Variants in NOSIP observed in about 807,000 individuals in gnomAD.
NOSIP encodes nitric oxide synthase-interacting protein.
NOSIP carries 25 observed loss-of-function variants against 36.4 expected under a neutral mutation model. That is an observed-to-expected ratio of 0.69 (90% CI 0.50 to 0.96). NOSIP has a LOEUF of 0.96. NOSIP is among the 40% of genes least tolerant of loss of function. The probability of loss-of-function intolerance (pLI) is 0.00; values close to 1 mark genes in which losing one functional copy is unlikely to be tolerated. For synonymous variants in NOSIP, 187 were observed against 179.2 expected (o/e 1.04, Z -0.35); for missense variants, 370 against 429.0 (o/e 0.86, Z 1.21).
At chr19:49,568,391 G>T (rs1023360831) in intron 1 of NOSIP, among the ~76,000 whole-genome samples, 1 of 152,074 alleles carries the variant, frequency 6.6e-6, no homozygotes, top group South Asian at 2.1e-4. Flanking sequence ...GGGGAACTGC[G>T]GTGGTGGTAT....
chr19:49,578,933 T>C (rs1045967564), intron 1 of NOSIP, among the ~76,000 whole-genome samples: 1 of 150,180 alleles, frequency 6.7e-6, no homozygotes, highest in African/African-American at 2.5e-5. Flanking sequence ...TATTTTTAAA[T>C]ACTTAAAAAA....
In NOSIP at chr19:49,560,785, T is replaced by A. The variant is rs1288648596; in HGVS notation, c.-1-93A>T. 3 of 969,840 alleles carry A rather than the reference T, an allele frequency of 3.1e-6. No homozygotes were observed. The highest frequency in any genetic ancestry group is 1.6e-5 in the African/African-American group (1 of 61,948). The allele number at this position is 969,840 out of a possible 1,614,324, so 60.1% of individuals were successfully genotyped here. ...AGCCCTCAGAGCTGATCTGCCCCCCTTGATGGGAAAGCGGAGGCGGAGAAG... is the reference window on the plus strand; with the variant it reads ...AGCCCTCAGAGCTGATCTGCCCCCCATGATGGGAAAGCGGAGGCGGAGAAG... On this transcript the variant is annotated intron_variant, in intron 1 of 8. Coordinates refer to ENST00000596358, the MANE Select transcript of NOSIP (RefSeq NM_001270960.2). The surrounding 1 kb of genome is among the most constrained non-coding windows in gnomAD (Gnocchi z 4.6).
intron 1 of NOSIP, among the ~76,000 whole-genome samples, chr19:49,575,664 ACAGCCCCTGTAAGTACTCCACT>A (rs1287720133): frequency 1.3e-5 from 2 of 152,188 alleles, no homozygotes; most frequent in African/African-American, 4.8e-5. Flanking sequence ...TGCAGGCCAA[ACAGCCCCTGTAAGTACTCCACT>A]CAGCCCCTGT....
chr19:49,557,016 A>T, intron 5 of NOSIP, 23 bp from the exon 6 acceptor site: 1 of 1,597,594 alleles, frequency 6.3e-7, no homozygotes, highest in Non-Finnish European at 8.5e-7. Flanking sequence ...GAAGGGACTC[A>T]GATGCCGCCC....
chr19:49,567,687 T>A (rs1292524766), intron 1 of NOSIP, among the ~76,000 whole-genome samples: 1 of 152,088 alleles, frequency 6.6e-6, no homozygotes. Flanking sequence ...TTATTTATTT[T>A]GAGACAGAAT....
chr19:49,570,493 G>A (rs1280816318), intron 1 of NOSIP, among the ~76,000 whole-genome samples: 2 of 152,034 alleles, frequency 1.3e-5, no homozygotes, highest in African/African-American at 4.8e-5. Flanking sequence ...TTGTGACCAC[G>A]ACCCTATGGA....
rs370691509 is a variant in NOSIP at position 49,561,168 on chromosome 19, T to G, written c.-1-476A>C. 4.5e-4 allele frequency among the ~76,000 whole-genome samples: 69 copies of G among 152,242 alleles called. No homozygotes were observed. In the East Asian group the frequency reaches 0.011, roughly 25 times the overall value. On this transcript the variant is annotated intron_variant, in intron 1 of 8. Transcript: ENST00000596358. Reference sequence around the variant, plus strand: ...CAAGGCTGGGCACTTAGCTAAGGCTTGACACTTAGCTAAGGCTTGACCCAA... The same window carrying G: ...CAAGGCTGGGCACTTAGCTAAGGCTGGACACTTAGCTAAGGCTTGACCCAA...
chr19:49,566,336 G>T (rs2080408070), intron 1 of NOSIP, among the ~76,000 whole-genome samples: 2 of 152,068 alleles, frequency 1.3e-5, no homozygotes, highest in African/African-American at 2.4e-5. Flanking sequence ...TTAAGACAGG[G>T]TCTCACTCTG....
chr19:49,575,517 G>A (rs1218303027), intron 1 of NOSIP, among the ~76,000 whole-genome samples: 1 of 152,152 alleles, frequency 6.6e-6, no homozygotes, highest in Non-Finnish European at 1.5e-5. Flanking sequence ...AACATGAAGC[G>A]ACCAGCTCTG....
At position 49,556,865 on chromosome 19, in the gene NOSIP, G is replaced by A; in HGVS notation, c.537+10C>T. The A allele has an allele frequency of 1.2e-6, 2 of 1,609,572 alleles. No individual in the cohort carries two copies. Among genetic ancestry groups the A allele is most frequent in the Admixed American group, 1.7e-5 (1 of 59,922 alleles). ...GGCACCGTGCGTGCCGGGGCGCTGT[G>A]GGGGCTCACCGGCTTCTCCAGCTTG... On this transcript the variant is annotated intron_variant, in intron 6 of 8. Coordinates refer to ENST00000596358, the MANE Select transcript of NOSIP (RefSeq NM_001270960.2).
At chr19:49,570,951 T>C (rs1315587207) in intron 1 of NOSIP, among the ~76,000 whole-genome samples, 1 of 152,006 alleles carries the variant, frequency 6.6e-6, no homozygotes, top group Non-Finnish European at 1.5e-5. Context: ...GGAACACCTA[T>C]AGAGGGAGCA....
intron 3 of NOSIP, 61 bp downstream of exon 3, chr19:49,559,873 T>G (rs530003857): frequency 3.9e-6 from 5 of 1,270,614 alleles, no homozygotes; most frequent in Non-Finnish European, 5.6e-6. Context: ...GCACACAGCC[T>G]CCTCCTGGCG....
chr19:49,567,311 C>T (rs1264408981), intron 1 of NOSIP, among the ~76,000 whole-genome samples: 4 of 149,988 alleles, frequency 2.7e-5, no homozygotes, highest in African/African-American at 4.9e-5. Flanking sequence ...TTAGTGGAAA[C>T]GGGTTTTCAC....
intron 3 of NOSIP, 60 bp from the exon 4 acceptor site, chr19:49,559,038 A>G (rs888243909): frequency 7.3e-7 from 1 of 1,366,944 alleles, no homozygotes; most frequent in African/African-American, 1.4e-5. Flanking sequence ...CGGCCTCCCG[A>G]AGTGCTGGGA....
At chr19:49,561,525 A>AC (rs2080334038) in intron 1 of NOSIP, among the ~76,000 whole-genome samples, 1 of 151,896 alleles carries the variant, frequency 6.6e-6, no homozygotes, top group South Asian at 2.1e-4. Context: ...CTTAAGGGCA[A>AC]CCCCCACCCT....
rs2080251760 is a variant in NOSIP, at chr19:49,556,641, G to A, written c.633C>T (p.Arg211=). 3 of 1,610,460 alleles carry A rather than the reference G, an allele frequency of 1.9e-6. No homozygotes were observed. Among genetic ancestry groups the A allele is most frequent in the East Asian group, 2.2e-5 (1 of 44,858 alleles). Residue 211 remains arginine, a synonymous_variant, in exon 7 of 9, where the codon CGC becomes CGT. Transcript: ENST00000596358. ...HFTPLDSSVD[R]VGLITRSERY... Reference sequence around the variant, plus strand: ...GCTCGCTGCGGGTGATGAGCCCCACGCGGTCCACGGAGCTGTCTAGCGGTG... The same window carrying A: ...GCTCGCTGCGGGTGATGAGCCCCACACGGTCCACGGAGCTGTCTAGCGGTG...
chr19:49,568,806 G>GTT (rs201030429), intron 1 of NOSIP, among the ~76,000 whole-genome samples: 17 of 114,132 alleles, frequency 1.5e-4, no homozygotes, highest in African/African-American at 3.9e-4. Flanking sequence ...TAGTTTGTTT[G>GTT]TTTGTTTTTT....
At position 49,555,632 on chromosome 19, in the gene NOSIP, G is replaced by T; in HGVS notation, c.*119C>A. On this transcript the variant is annotated 3_prime_UTR_variant, in exon 9 of 9. Transcript: ENST00000596358. ...TTTCAAACTCCAGCGTGCGCTGTAG[G>T]AGCACTGTTTGCACGGCCCTGCATC... 1.3e-6 allele frequency: 1 copy of T among 771,316 alleles called. No homozygotes were observed. The highest frequency in any genetic ancestry group is 1.6e-5 in the South Asian group (1 of 62,986). The allele number at this position is 771,316 out of a possible 1,614,324, so 47.8% of individuals were successfully genotyped here. A position where few individuals can be genotyped will look rare whatever the true frequency, so the allele number is the denominator to read the frequency against.
At position 49,555,799 on chromosome 19, in the gene NOSIP, G is replaced by A; in HGVS notation, c.858C>T (p.Ser286=). ...ATTTCTCCGCTTGCAGCTTCACTCC[G>A]GAGCCCGCGAAGCCGGTACCGCCCT... ...LQRGGTGFAG[S]GVKLQAEKSR... The change falls in exon 9 of 9, where the codon TCC becomes TCT. Residue 286 remains serine, a synonymous_variant. Transcript: ENST00000596358. 1.9e-6 allele frequency: 3 copies of A among 1,613,408 alleles called. No homozygotes were observed. The highest frequency in any genetic ancestry group is 2.2e-5 in the East Asian group (1 of 44,784).
Sources: allele counts gnomAD v4.1 joint callset (sites outside exome capture counted in the v4.1 genomes callset), GRCh38; gene constraint gnomAD v4.1.1; non-coding constraint Gnocchi (gnomAD v3.1); transcripts MANE v1.5; gene names NCBI Gene and HGNC (gene_info 2026-07-23, HGNC 2026-07-21).